The following TAF3 variants were observed in gnomAD, a reference collection of about 807,000 sequenced individuals.
TAF3 encodes the protein TATA-box binding protein associated factor 3.
In TAF3, 7 loss-of-function variants were observed where a neutral mutation model predicts 80.6. The observed-to-expected ratio is 0.09, with a 90% CI of 0.05 to 0.16. The LOEUF (loss-of-function observed/expected upper bound fraction) is 0.16, where lower values mean the gene tolerates loss of function less well. Among genes scored for constraint, TAF3 ranks in the 10% least tolerant of loss-of-function variants. TAF3 has a pLI of 1.00. For synonymous variants in TAF3, 444 were observed against 446.1 expected (o/e 1.00, Z 0.06); for missense variants, 921 against 1,140.2 (o/e 0.81, Z 2.77).
chr10:7,949,367 A>C (rs1489307669), intron 2 of TAF3, among the ~76,000 whole-genome samples: 2 of 152,224 alleles, frequency 1.3e-5, no homozygotes, highest in African/African-American at 2.4e-5. Flanking sequence ...AGGATTGTGT[A>C]CCAGGCCTAC....
intron 2 of TAF3, among the ~76,000 whole-genome samples, chr10:7,831,699 G>A (rs1480428127): frequency 6.6e-6 from 1 of 152,016 alleles, no homozygotes; most frequent in African/African-American, 2.4e-5. Context: ...TTGGCCAGTG[G>A]CAGCTTCTTC....
intron 2 of TAF3, among the ~76,000 whole-genome samples, chr10:7,937,922 G>A (rs1232082296): frequency 6.6e-6 from 1 of 152,170 alleles, no homozygotes; most frequent in East Asian, 1.9e-4. Context: ...AACAGAACCC[G>A]CTTTTAAGAC....
chr10:7,996,402 C>T (rs150346853), intron 4 of TAF3, among the ~76,000 whole-genome samples: 6 of 152,198 alleles, frequency 3.9e-5, no homozygotes, highest in Non-Finnish European at 7.3e-5. Context: ...GTTATTTTCA[C>T]CATGTGCTGC....
chr10:7,842,149 T>C (rs1228713173), intron 2 of TAF3, among the ~76,000 whole-genome samples: 2 of 138,512 alleles, frequency 1.4e-5, no homozygotes, highest in East Asian at 2.0e-4. Context: ...TGAATTAATA[T>C]TGTTTTTTTT....
chr10:7,996,361 T>A (rs1216201346), intron 4 of TAF3, among the ~76,000 whole-genome samples: 6 of 152,182 alleles, frequency 3.9e-5, no homozygotes, highest in Non-Finnish European at 5.9e-5. Context: ...AGCCACAGCC[T>A]GTTTTATGAC....
chr10:7,975,327 G>C (rs1831662739), intron 3 of TAF3, among the ~76,000 whole-genome samples: 1 of 152,136 alleles, frequency 6.6e-6, no homozygotes, highest in Non-Finnish European at 1.5e-5. Context: ...AGTCTTGAAA[G>C]TGCTAAAGAT....
At chr10:7,967,240 T>C (rs1328539136) in intron 3 of TAF3, among the ~76,000 whole-genome samples, 1 of 152,152 alleles carries the variant, frequency 6.6e-6, no homozygotes, top group Non-Finnish European at 1.5e-5. Flanking sequence ...TTATCCCTTG[T>C]GTACCTAGTA....
At chr10:7,888,277 A>G (rs1837428043) in intron 2 of TAF3, among the ~76,000 whole-genome samples, 1 of 152,138 alleles carries the variant, frequency 6.6e-6, no homozygotes, top group African/African-American at 2.4e-5. Context: ...AACCTTCCTA[A>G]GCTTTCCTCA....
At chr10:7,874,794 A>C (rs1272864854) in intron 2 of TAF3, among the ~76,000 whole-genome samples, 2 of 152,008 alleles carry the variant, frequency 1.3e-5, no homozygotes, top group African/African-American at 4.8e-5. Flanking sequence ...TGCAGATTAC[A>C]TGGAAAACTT....
intron 2 of TAF3, among the ~76,000 whole-genome samples, chr10:7,838,364 T>TG (rs2131111753): frequency 1.0e-5 from 1 of 96,318 alleles, no homozygotes; most frequent in South Asian, 4.2e-4. Context: ...GTTTTGTTTT[T>TG]TTTTGTTGTT....
At chr10:7,997,283 C>T (rs1831898972) in intron 4 of TAF3, among the ~76,000 whole-genome samples, 1 of 152,188 alleles carries the variant, frequency 6.6e-6, no homozygotes, top group Admixed American at 6.5e-5. Flanking sequence ...TGTAAGGGAA[C>T]TTAGGAACTT....
chr10:7,979,236 T>C (rs1426028604), intron 4 of TAF3, among the ~76,000 whole-genome samples: 2 of 150,776 alleles, frequency 1.3e-5, no homozygotes, highest in African/African-American at 4.9e-5. Flanking sequence ...CCCAGCTACT[T>C]GGGAGGCTGA....
chr10:7,923,920 G>T lies in TAF3; in HGVS notation c.410-40000G>T, dbSNP rs117270373. ...AGTTATAATGGAACTGTTGAATTTC[G>T]ATTTGGAAATAAAGGAGTATTCCAA... On this transcript the variant is annotated intron_variant, in intron 2 of 6. Coordinates refer to ENST00000344293, the MANE Select transcript of TAF3 (RefSeq NM_031923.4). Among the ~76,000 whole-genome samples the T allele has an allele frequency of 9.5e-4, 145 of 152,214 alleles. 1 individual carries two copies. The East Asian group carries it at 0.025, about 27-fold the overall frequency.
chr10:7,823,373 G>C (rs1009549579), intron 1 of TAF3, among the ~76,000 whole-genome samples: 1 of 151,528 alleles, frequency 6.6e-6, no homozygotes, highest in East Asian at 1.9e-4. Flanking sequence ...GCTCATGCCT[G>C]TTATCCCACC....
At chr10:8,000,317 A>G (rs1270606770) in intron 4 of TAF3, among the ~76,000 whole-genome samples, 2 of 151,996 alleles carry the variant, frequency 1.3e-5, no homozygotes, top group Non-Finnish European at 2.9e-5. Context: ...GGGTTTCACT[A>G]TGTTGGCCAG....
chr10:7,968,635 C>T (rs544457523), intron 3 of TAF3, among the ~76,000 whole-genome samples: 155 of 152,268 alleles, frequency 1.0e-3, no homozygotes, highest in African/African-American at 3.6e-3. Flanking sequence ...TACCACAACC[C>T]TCTAAGATAG....
At chr10:7,924,460 T>C (rs1837796136) in intron 2 of TAF3, among the ~76,000 whole-genome samples, 1 of 152,196 alleles carries the variant, frequency 6.6e-6, no homozygotes, top group South Asian at 2.1e-4. Flanking sequence ...CTTTGCTTGT[T>C]AAGTCCGGGG....
At chr10:7,880,618 T>C (rs1309208677) in intron 2 of TAF3, among the ~76,000 whole-genome samples, 1 of 152,186 alleles carries the variant, frequency 6.6e-6, no homozygotes. Flanking sequence ...CCATTTCTTA[T>C]AAATGCATTT....
intron 2 of TAF3, among the ~76,000 whole-genome samples, chr10:7,924,704 A>G (rs1758523831): frequency 1.3e-5 from 2 of 152,116 alleles, no homozygotes; most frequent in Admixed American, 1.3e-4. Flanking sequence ...AAAAATTGAA[A>G]AAGAAAAACG....
Sources: allele counts gnomAD v4.1 joint callset (sites outside exome capture counted in the v4.1 genomes callset), GRCh38; gene constraint gnomAD v4.1.1; transcripts MANE v1.5; gene names NCBI Gene and HGNC (gene_info 2026-07-23, HGNC 2026-07-21).